DDX10: variants seen among roughly 807,000 people sequenced by gnomAD.
The protein encoded by DDX10 is DEAD-box helicase 10, also known as probable ATP-dependent RNA helicase DDX10.
Under a neutral mutation model 104.3 loss-of-function variants are expected in DDX10, and 74 were observed. That is an observed-to-expected ratio of 0.71 (90% CI 0.59 to 0.86). The LOEUF is 0.86. Among genes scored for constraint, DDX10 ranks in the 40% least tolerant of loss-of-function variants. The pLI is 0.00. For missense variants in DDX10, 952 were observed against 1,040.0 expected (o/e 0.92, Z 1.16); for synonymous variants, 351 against 353.4 (o/e 0.99, Z 0.08).
intron 13 of DDX10, among the ~76,000 whole-genome samples, chr11:108,835,075 C>T (rs932480498): frequency 6.6e-5 from 10 of 151,874 alleles, no homozygotes; most frequent in East Asian, 5.8e-4. Flanking sequence ...GGAATACTGA[C>T]GAGGCTGACA....
At chr11:108,905,699 A>G (rs1178546983) in intron 16 of DDX10, among the ~76,000 whole-genome samples, 1 of 152,142 alleles carries the variant, frequency 6.6e-6, no homozygotes. Flanking sequence ...GGGTTTAGCA[A>G]GGTGCATTTG....
chr11:108,890,754 A>G (rs149811868), intron 16 of DDX10, among the ~76,000 whole-genome samples: 1,543 of 152,310 alleles, frequency 0.01, 23 homozygotes, highest in African/African-American at 0.036. Context: ...GAGAACATTT[A>G]TAATAAAATA....
chr11:108,685,394 G>T (rs112741321), intron 6 of DDX10, among the ~76,000 whole-genome samples: 1 of 151,354 alleles, frequency 6.6e-6, no homozygotes, highest in African/African-American at 2.4e-5. Flanking sequence ...TTCGGCTCGC[G>T]CACGGTGCGC....
chr11:108,770,763 A>G (rs938579739), intron 13 of DDX10, among the ~76,000 whole-genome samples: 12 of 150,908 alleles, frequency 8.0e-5, no homozygotes, highest in Non-Finnish European at 2.9e-5. Flanking sequence ...TTTTTAATCC[A>G]TTCATCTGTT....
At chr11:108,810,172 T>C (rs1862159540) in intron 13 of DDX10, among the ~76,000 whole-genome samples, 1 of 152,194 alleles carries the variant, frequency 6.6e-6, no homozygotes. Context: ...CAAAATTGTA[T>C]GGGCATGGAG....
At chr11:108,912,675 A>G (rs1863695917) in intron 16 of DDX10, among the ~76,000 whole-genome samples, 1 of 152,142 alleles carries the variant, frequency 6.6e-6, no homozygotes, top group African/African-American at 2.4e-5. Flanking sequence ...TACAAAGATA[A>G]AAAAGCTACA....
chr11:108,699,703 G>C (rs1049698962), intron 9 of DDX10, among the ~76,000 whole-genome samples: 4 of 152,162 alleles, frequency 2.6e-5, no homozygotes, highest in Admixed American at 2.6e-4. Flanking sequence ...ACTACACAAG[G>C]GTGTCAATAC....
chr11:108,729,336 G>A (rs188795576), intron 13 of DDX10, among the ~76,000 whole-genome samples: 3 of 152,222 alleles, frequency 2.0e-5, no homozygotes, highest in Admixed American at 1.3e-4. Context: ...ATCCAGAGAG[G>A]TTTTAGCACA....
chr11:108,823,615 A>C lies in DDX10; in HGVS notation c.1966-14831A>C, dbSNP rs866587256. On this transcript the variant is annotated intron_variant, in intron 13 of 17. Transcript: ENST00000322536. ...ATTGTAGTTCTTTGTGAAGGCTTTA[A>C]ATCATAGAGAGATTCTCTCTCTATG... Among the ~76,000 whole-genome samples, 3 of 152,274 alleles carry C rather than the reference A, an allele frequency of 2.0e-5. No homozygotes were observed. The Middle Eastern group carries it at 0.01, about 518-fold the overall frequency.
chr11:108,812,569 T>C (rs1456132656), intron 13 of DDX10, among the ~76,000 whole-genome samples: 1 of 152,192 alleles, frequency 6.6e-6, no homozygotes, highest in Non-Finnish European at 1.5e-5. Flanking sequence ...TTCTTAGATA[T>C]TATTACTCTT....
chr11:108,935,813 A>T (rs1388679024), intron 17 of DDX10, among the ~76,000 whole-genome samples: 1 of 152,196 alleles, frequency 6.6e-6, no homozygotes, highest in Non-Finnish European at 1.5e-5. Context: ...AATCATCAAA[A>T]TAGAATTTCC....
intron 13 of DDX10, among the ~76,000 whole-genome samples, chr11:108,776,713 G>A (rs1369294273): frequency 2.0e-5 from 3 of 152,204 alleles, no homozygotes; most frequent in Non-Finnish European, 4.4e-5. Context: ...GGTGGCAGAA[G>A]AGGAGCTCAA....
intron 13 of DDX10, among the ~76,000 whole-genome samples, chr11:108,762,369 A>G (rs915723912): frequency 1.1e-4 from 16 of 152,186 alleles, no homozygotes; most frequent in African/African-American, 3.6e-4. Context: ...TGTTTGGCTT[A>G]TGAAAACAAA....
intron 10 of DDX10, among the ~76,000 whole-genome samples, chr11:108,711,335 A>G (rs192145522): frequency 4.3e-4 from 66 of 152,144 alleles, no homozygotes; most frequent in African/African-American, 1.6e-3. Context: ...CCTTTCTGCT[A>G]TTTCTATGTT....
chr11:108,845,976 A>G (rs1862712115), intron 15 of DDX10, among the ~76,000 whole-genome samples: 1 of 152,136 alleles, frequency 6.6e-6, no homozygotes, highest in African/African-American at 2.4e-5. Flanking sequence ...TTTCCCTCAT[A>G]CTATTACACC....
chr11:108,687,852 T>C (rs937932026), intron 6 of DDX10, among the ~76,000 whole-genome samples: 2 of 152,210 alleles, frequency 1.3e-5, no homozygotes, highest in African/African-American at 4.8e-5. Flanking sequence ...AGTTGACTTG[T>C]AGTTTTTGGT....
chr11:108,904,387 A>G (rs946769892), intron 16 of DDX10, among the ~76,000 whole-genome samples: 2 of 152,092 alleles, frequency 1.3e-5, no homozygotes, highest in African/African-American at 4.8e-5. Context: ...TTTCCCCACT[A>G]TTTAGTGTTT....
chr11:108,900,128 G>A (rs1863497112), intron 16 of DDX10, among the ~76,000 whole-genome samples: 1 of 151,486 alleles, frequency 6.6e-6, no homozygotes, highest in East Asian at 1.9e-4. Flanking sequence ...AAAAAAAAGT[G>A]TGGTTCTTCC....
chr11:108,838,103 T>C (rs1177973447), intron 13 of DDX10, among the ~76,000 whole-genome samples: 1 of 150,562 alleles, frequency 6.6e-6, no homozygotes, highest in South Asian at 2.1e-4. Context: ...ATGTATGAAA[T>C]TTTGACTGGA....
Sources: allele counts gnomAD v4.1 joint callset (sites outside exome capture counted in the v4.1 genomes callset), GRCh38; gene constraint gnomAD v4.1.1; transcripts MANE v1.5; gene names NCBI Gene and HGNC (gene_info 2026-07-23, HGNC 2026-07-21).